The following SETBP1 variants were observed in gnomAD, a reference collection of about 807,000 sequenced individuals.
SETBP1 encodes SET-binding protein.
SETBP1 carries 9 observed loss-of-function variants against 101.0 expected under a neutral mutation model. The ratio of observed to expected loss-of-function variants is 0.09; its 90% CI spans 0.05 to 0.16. The LOEUF (loss-of-function observed/expected upper bound fraction) is 0.16. Ranked by LOEUF, SETBP1 falls within the 10% of genes least tolerant of loss-of-function variation. The pLI, the probability that SETBP1 is intolerant of heterozygous loss-of-function variation, is 1.00. For missense variants in SETBP1, 1,858 were observed against 2,033.8 expected (o/e 0.91, Z 1.66); for synonymous variants, 818 against 788.5 (o/e 1.04, Z -0.63).
chr18:44,879,778 G>C (rs767147537), intron 3 of SETBP1, among the ~76,000 whole-genome samples: 1 of 152,172 alleles, frequency 6.6e-6, no homozygotes, highest in Non-Finnish European at 1.5e-5. Flanking sequence ...TAAAGGATGC[G>C]TAGGGGCCAT....
At chr18:45,012,801 G>A (rs1464581764) in intron 4 of SETBP1, among the ~76,000 whole-genome samples, 1 of 152,140 alleles carries the variant, frequency 6.6e-6, no homozygotes, top group Non-Finnish European at 1.5e-5. Context: ...ATAAACAAGA[G>A]CTAAATAATA....
intron 4 of SETBP1, among the ~76,000 whole-genome samples, chr18:44,993,177 G>T (rs2145295963): frequency 6.6e-6 from 1 of 152,034 alleles, no homozygotes; most frequent in African/African-American, 2.4e-5. Context: ...GAGATATCAA[G>T]AAAAAACTCT....
chr18:44,847,110 T>G (rs534443940), intron 2 of SETBP1, among the ~76,000 whole-genome samples: 2 of 152,320 alleles, frequency 1.3e-5, no homozygotes, highest in African/African-American at 4.8e-5. Context: ...ATAAATATGT[T>G]AGAGTTGGAA....
chr18:44,743,075 TTC>T (rs944065169), intron 2 of SETBP1, among the ~76,000 whole-genome samples: 3 of 149,854 alleles, frequency 2.0e-5, no homozygotes, highest in Non-Finnish European at 4.4e-5. Context: ...CTTCCTCCCT[TTC>T]TCTCTCTCTC....
chr18:44,704,819 G>A (rs1482967806), intron 2 of SETBP1, among the ~76,000 whole-genome samples: 2 of 152,182 alleles, frequency 1.3e-5, no homozygotes, highest in Non-Finnish European at 2.9e-5. Flanking sequence ...ATGAGATTTC[G>A]TAAGCAACAC....
At position 44,781,238 on chromosome 18, in the gene SETBP1, T is replaced by G. The variant is rs147696531; in HGVS notation, c.486+79406T>G. Among the ~76,000 whole-genome samples the G allele has an allele frequency of 3.9e-3, 588 of 152,314 alleles. 7 individuals are homozygous for G. The highest frequency in any genetic ancestry group is 0.013 in the African/African-American group (560 of 41,574). ...GAATGAAATGACCTTAGTTGCTTCTTGAGATGATTGTTCTGGCTCCTGTGC... is the reference window on the plus strand; with the variant it reads ...GAATGAAATGACCTTAGTTGCTTCTGGAGATGATTGTTCTGGCTCCTGTGC... On this transcript the variant is annotated intron_variant, in intron 2 of 5. Transcript: ENST00000649279.
At chr18:44,732,190 T>C (rs749656461) in intron 2 of SETBP1, among the ~76,000 whole-genome samples, 3 of 152,198 alleles carry the variant, frequency 2.0e-5, no homozygotes, top group Non-Finnish European at 2.9e-5. Context: ...AGATAGACGA[T>C]CACATACCCT....
At chr18:44,963,243 T>C (rs2071648983) in intron 4 of SETBP1, among the ~76,000 whole-genome samples, 1 of 152,124 alleles carries the variant, frequency 6.6e-6, no homozygotes, top group Non-Finnish European at 1.5e-5. Flanking sequence ...CTCTTGCCAG[T>C]GGGTTAAATA....
chr18:44,935,297 G>A (rs2070933988), intron 3 of SETBP1, among the ~76,000 whole-genome samples: 1 of 152,034 alleles, frequency 6.6e-6, no homozygotes, highest in Non-Finnish European at 1.5e-5. Flanking sequence ...TAGCCCTAAT[G>A]GCAAAAAACA....
rs2145098467 is a variant in SETBP1 at position 44,950,850 on chromosome 18, A to G, written c.1510A>G (p.Met504Val). The change falls in exon 4 of 6, where the codon ATG becomes GTG. Residue 504 changes from methionine (M) to valine (V), a missense_variant. Coordinates refer to ENST00000649279, the MANE Select transcript of SETBP1 (RefSeq NM_015559.3). ...VSKPRKPPMV[M>V]TPPTCTDHSP... is the part of the protein sequence containing the mutation. Reference sequence around the variant, plus strand: ...TAAGCCGCGGAAGCCACCCATGGTCATGACACCTCCAACGTGCACAGATCA... The same window carrying G: ...TAAGCCGCGGAAGCCACCCATGGTCGTGACACCTCCAACGTGCACAGATCA... 1.9e-6 allele frequency: 3 copies of G among 1,614,192 alleles called. No individual in the cohort carries two copies. The East Asian group carries it at 6.7e-5, about 36-fold the overall frequency.
intron 2 of SETBP1, among the ~76,000 whole-genome samples, chr18:44,832,397 T>A (rs2072392855): frequency 2.0e-5 from 3 of 152,208 alleles, no homozygotes; most frequent in Non-Finnish European, 4.4e-5. Flanking sequence ...ATGTTCACTA[T>A]GTGCTCAGGA....
intron 3 of SETBP1, among the ~76,000 whole-genome samples, chr18:44,892,360 G>A (rs2069791045): frequency 1.3e-5 from 2 of 152,192 alleles, no homozygotes; most frequent in African/African-American, 4.8e-5. Flanking sequence ...GAAGCAAAAT[G>A]TGTTTTTGAG....
At chr18:44,723,024 T>A (rs2069633415) in intron 2 of SETBP1, among the ~76,000 whole-genome samples, 1 of 152,164 alleles carries the variant, frequency 6.6e-6, no homozygotes, top group African/African-American at 2.4e-5. Flanking sequence ...AGGCTGGAGG[T>A]TGAAAATTTT....
rs573467644 is a variant in SETBP1 at position 44,878,132 on chromosome 18, G to A, written c.540+8849G>A. 1.3e-3 allele frequency among the ~76,000 whole-genome samples: 193 copies of A among 152,172 alleles called. 1 individual carries two copies. Among genetic ancestry groups the A allele is most frequent in the Non-Finnish European group, 2.6e-4 (18 of 68,000 alleles). Reference sequence around the variant, plus strand: ...TGCTAGTATATTCAAATATGATGTCGTATTTCAAAATCTGATTTAAACTCA... The same window carrying A: ...TGCTAGTATATTCAAATATGATGTCATATTTCAAAATCTGATTTAAACTCA... On this transcript the variant is annotated intron_variant, in intron 3 of 5. Coordinates refer to ENST00000649279, the MANE Select transcript of SETBP1 (RefSeq NM_015559.3).
intron 5 of SETBP1, among the ~76,000 whole-genome samples, chr18:45,045,532 G>A (rs762584903): frequency 2.0e-5 from 3 of 151,202 alleles, no homozygotes; most frequent in Non-Finnish European, 2.9e-5. Context: ...CCTTGGGGAG[G>A]CCCAAAGGGA....
rs140305752 is a variant in SETBP1 at position 45,002,344 on chromosome 18, C to T, written c.4001-36141C>T. Among the ~76,000 whole-genome samples the T allele has an allele frequency of 2.5e-3, 372 of 151,056 alleles. 4 individuals are homozygous for T. The highest frequency in any genetic ancestry group is 8.4e-3 in the African/African-American group (347 of 41,164). ...CAGATTCCATTCTTGAATCCTTTGC[C>T]GTGTTATAAACAAGGCTGAGCACAC... On this transcript the variant is annotated intron_variant, in intron 4 of 5. Coordinates refer to ENST00000649279, the MANE Select transcript of SETBP1 (RefSeq NM_015559.3).
At chr18:45,032,135 C>T (rs1434176592) in intron 4 of SETBP1, among the ~76,000 whole-genome samples, 1 of 152,116 alleles carries the variant, frequency 6.6e-6, no homozygotes, top group East Asian at 1.9e-4. Context: ...TCGGAAAGGA[C>T]TCAAGTTCCT....
At chr18:44,930,623 T>C (rs2070809264) in intron 3 of SETBP1, among the ~76,000 whole-genome samples, 1 of 152,234 alleles carries the variant, frequency 6.6e-6, no homozygotes. Flanking sequence ...AACCTGTTAT[T>C]GGTCTATTCA....
At chr18:44,866,370 T>C (rs2069129049) in intron 2 of SETBP1, among the ~76,000 whole-genome samples, 1 of 152,246 alleles carries the variant, frequency 6.6e-6, no homozygotes, top group Non-Finnish European at 1.5e-5. Context: ...GGCTCAGCAA[T>C]TTAGGTATTC....
Sources: allele counts gnomAD v4.1 joint callset (sites outside exome capture counted in the v4.1 genomes callset), GRCh38; gene constraint gnomAD v4.1.1; transcripts MANE v1.5; gene names NCBI Gene and HGNC (gene_info 2026-07-23, HGNC 2026-07-21).